The following CNTLN variants were observed in gnomAD, a reference collection of about 807,000 sequenced individuals.
The protein encoded by CNTLN is centlein.
A neutral mutation model predicts 180.0 loss-of-function variants in CNTLN; 212 were observed. The observed-to-expected ratio is 1.18, with a 90% CI of 1.05 to 1.32. The LOEUF is 1.32. Ranked by LOEUF, CNTLN falls within the 40% of genes most tolerant of loss-of-function variation. The probability of loss-of-function intolerance (pLI) is 0.00; values close to 1 mark genes in which losing one functional copy is unlikely to be tolerated. For missense variants in CNTLN, 2,095 were observed against 1,610.9 expected (o/e 1.30, Z -5.14); for synonymous variants, 722 against 563.1 (o/e 1.28, Z -3.99).
intron 1 of CNTLN, among the ~76,000 whole-genome samples, chr9:17,141,360 G>GAATTC (rs1267332528): frequency 6.6e-6 from 1 of 152,182 alleles, no homozygotes; most frequent in African/African-American, 2.4e-5. Context: ...AGTCAGGGGA[G>GAATTC]AATTCACTTG....
intron 6 of CNTLN, among the ~76,000 whole-genome samples, chr9:17,283,317 T>C (rs1387899154): frequency 2.6e-5 from 4 of 152,172 alleles, no homozygotes; most frequent in African/African-American, 9.7e-5. Context: ...TTCACTTCTC[T>C]TGTTAGCTGT....
At chr9:17,197,701 TG>T (rs1182808488) in intron 2 of CNTLN, among the ~76,000 whole-genome samples, 1 of 152,348 alleles carries the variant, frequency 6.6e-6, no homozygotes, top group African/African-American at 2.4e-5. Context: ...CTCACTTTAT[TG>T]ATTGCTTCCT....
chr9:17,444,124 G>A (rs140909056), intron 18 of CNTLN: 22 of 152,126 alleles, frequency 1.4e-4, no homozygotes, highest in African/African-American at 5.3e-4. Flanking sequence ...CATAGACTTG[G>A]TAAAGGTACA....
chr9:17,147,887 G>A (rs1296435239), intron 2 of CNTLN, among the ~76,000 whole-genome samples: 1 of 152,158 alleles, frequency 6.6e-6, no homozygotes, highest in African/African-American at 2.4e-5. Context: ...GTTTCAACCG[G>A]TTGTGCTACC....
chr9:17,268,848 G>C (rs529684511), intron 5 of CNTLN, among the ~76,000 whole-genome samples: 1 of 151,742 alleles, frequency 6.6e-6, no homozygotes, highest in South Asian at 2.1e-4. Flanking sequence ...AGCCAGGTGC[G>C]GGTTATAATC....
chr9:17,290,959 C>T (rs537879876), intron 6 of CNTLN, among the ~76,000 whole-genome samples: 7 of 152,232 alleles, frequency 4.6e-5, no homozygotes, highest in Non-Finnish European at 8.8e-5. Flanking sequence ...ATGCAGAAAT[C>T]ACCCGTCTTC....
the CNTLN span, among the ~76,000 whole-genome samples, chr9:17,519,336 G>C: frequency 6.6e-6 from 1 of 150,922 alleles, no homozygotes; most frequent in Admixed American, 6.6e-5. Context: ...AAAATTAACT[G>C]TTCTTTTCTC....
At chr9:17,387,784 A>G (rs576487544) in intron 13 of CNTLN, among the ~76,000 whole-genome samples, 41 of 152,214 alleles carry the variant, frequency 2.7e-4, no homozygotes, top group African/African-American at 9.9e-4. Context: ...CTGGCAGGGA[A>G]CAAGATCCAG....
Position 17,152,985 on chromosome 9 carries a change from CT to C in CNTLN, c.449+9617del, listed in dbSNP as rs199708307. ...TCAGAGATTAGGATTGCAACTCCTG[CT>C]TTTTTTTGCTTTCCATTTGCTTGGT... is the stretch of plus-strand genomic sequence containing the variant. On this transcript the variant is annotated intron_variant, in intron 2 of 25. Coordinates refer to ENST00000380647, the MANE Select transcript of CNTLN (RefSeq NM_017738.4). Among the ~76,000 whole-genome samples, 83 of 151,918 alleles carry C rather than the reference CT, an allele frequency of 5.5e-4. 1 individual carries two copies. In the East Asian group the frequency reaches 0.014, roughly 26 times the overall value.
At chr9:17,364,648 A>C (rs1823661686) in intron 12 of CNTLN, among the ~76,000 whole-genome samples, 2 of 152,118 alleles carry the variant, frequency 1.3e-5, no homozygotes, top group Non-Finnish European at 2.9e-5. Context: ...TTAGACTGTC[A>C]TTCATGGCTT....
chr9:17,391,861 CA>C (rs1319954898), intron 14 of CNTLN, among the ~76,000 whole-genome samples: 1 of 151,982 alleles, frequency 6.6e-6, no homozygotes, highest in Non-Finnish European at 1.5e-5. Flanking sequence ...TTAATACTCC[CA>C]ACAAAACTGC....
chr9:17,308,633 C>T lies in CNTLN; in HGVS notation c.1147-425C>T, dbSNP rs544674297. On this transcript the variant is annotated intron_variant, in intron 7 of 25. Coordinates refer to ENST00000380647, the MANE Select transcript of CNTLN (RefSeq NM_017738.4). ...TTGTACATAATTTTTTTTCACATTT[C>T]TTCTATCTTTAGAATGACTTTTTGT... Among the ~76,000 whole-genome samples, 91 of 151,814 alleles carry T rather than the reference C, an allele frequency of 6.0e-4. 1 individual carries two copies. The South Asian group carries it at 0.01, about 17-fold the overall frequency.
chr9:17,293,377 C>G (rs887023155), intron 6 of CNTLN, among the ~76,000 whole-genome samples: 11 of 152,184 alleles, frequency 7.2e-5, no homozygotes, highest in Admixed American at 3.3e-4. Context: ...GGGGGAAAGT[C>G]TAAGTCTGCT....
chr9:17,369,801 A>G (rs1645708673), intron 13 of CNTLN, among the ~76,000 whole-genome samples: 1 of 151,860 alleles, frequency 6.6e-6, no homozygotes, highest in Non-Finnish European at 1.5e-5. Context: ...AGCCTGGCCA[A>G]TATGGTGGAA....
chr9:17,215,232 G>A (rs1029367733), intron 2 of CNTLN, among the ~76,000 whole-genome samples: 1 of 152,176 alleles, frequency 6.6e-6, no homozygotes, highest in Non-Finnish European at 1.5e-5. Flanking sequence ...TGGGGTTTTG[G>A]TGTGGATGTC....
chr9:17,301,976 C>T (rs976263284), intron 7 of CNTLN: 65 of 965,210 alleles, frequency 6.7e-5, no homozygotes, highest in Non-Finnish European at 7.9e-5. Context: ...TATTTTTCTA[C>T]TGTTGGTTAT....
intron 23 of CNTLN, among the ~76,000 whole-genome samples, chr9:17,476,892 C>T (rs546702265): frequency 5.9e-4 from 90 of 152,280 alleles, no homozygotes; most frequent in African/African-American, 2.0e-3. Flanking sequence ...GACAAAACAG[C>T]CTTCTATTGG....
At chr9:17,301,276 C>G (rs1029612683) in intron 7 of CNTLN, 1 of 985,320 alleles carries the variant, frequency 1.0e-6, no homozygotes, top group Non-Finnish European at 1.2e-6. Context: ...AAATTGTGAT[C>G]TGGGGTACAT....
chr9:17,506,614 A>C (rs146401331), downstream of CNTLN, among the ~76,000 whole-genome samples: 126 of 152,288 alleles, frequency 8.3e-4, no homozygotes, highest in African/African-American at 2.9e-3. Flanking sequence ...CATATTATGC[A>C]GGATTCTTCC....
Sources: gnomAD v4.1 joint callset for allele counts (sites outside exome capture counted in the v4.1 genomes callset) on GRCh38, gnomAD v4.1.1 for gene constraint, MANE v1.5 for transcripts, NCBI Gene and HGNC (gene_info 2026-07-23, HGNC 2026-07-21) for gene names.